PAK4: variants seen among roughly 807,000 people sequenced by gnomAD.
The protein encoded by PAK4 is p21 (RAC1) activated kinase 4.
In PAK4, 49 loss-of-function variants were observed where a neutral mutation model predicts 53.5. The observed-to-expected ratio is 0.92, with a 90% CI of 0.73 to 1.16. The LOEUF is 1.16. Among genes scored for constraint, PAK4 ranks in the 50% most tolerant of loss-of-function variants. The probability of loss-of-function intolerance (pLI) is 0.00; values close to 1 mark genes in which losing one functional copy is unlikely to be tolerated. For synonymous variants in PAK4, 376 were observed against 375.6 expected, an observed-to-expected ratio of 1.00 and a Z score of -0.01; for missense variants, 824 against 850.7, an observed-to-expected ratio of 0.97 and a Z score of 0.39.
chr19:39,164,963 G>T (rs1007043875), intron 1 of PAK4, among the ~76,000 whole-genome samples: 6 of 151,964 alleles, frequency 3.9e-5, no homozygotes, highest in Non-Finnish European at 7.4e-5. Flanking sequence ...TGCTGCACAG[G>T]CCCATGGGAA....
At chr19:39,131,324 G>A (rs1322258003) in intron 1 of PAK4, among the ~76,000 whole-genome samples, 1 of 152,100 alleles carries the variant, frequency 6.6e-6, no homozygotes, top group Non-Finnish European at 1.5e-5. Flanking sequence ...TCTGGGCGCT[G>A]GGTCCCTACC....
In PAK4 at chr19:39,169,527, C is replaced by T. The variant is rs372025647; in HGVS notation, c.-22-5C>T. On this transcript the variant is annotated splice_polypyrimidine_tract_variant and splice_region_variant and intron_variant, in intron 1 of 8. Coordinates refer to ENST00000358301, the Ensembl canonical transcript of PAK4. ...TCACTCACCCACCGTGATTCCCTCC[C>T]GCAGGCCGCACCGAGTCCCCGGCAC... 1.5e-5 allele frequency: 24 copies of T among 1,603,988 alleles called. No homozygotes were observed. Among genetic ancestry groups the T allele is most frequent in the Middle Eastern group, 1.7e-4 (1 of 6,052 alleles).
At chr19:39,159,513 G>A (rs2074249316) in intron 1 of PAK4, among the ~76,000 whole-genome samples, 1 of 152,278 alleles carries the variant, frequency 6.6e-6, no homozygotes, top group South Asian at 2.1e-4. Context: ...AGCCTCCCAA[G>A]TAGCTGGGAC....
At chr19:39,143,118 C>T (rs1022499222) in intron 1 of PAK4, among the ~76,000 whole-genome samples, 9 of 152,038 alleles carry the variant, frequency 5.9e-5, no homozygotes, top group Non-Finnish European at 1.3e-4. Flanking sequence ...CCTTGTCACT[C>T]TCTGTCCCTT....
Position 39,176,727 on chromosome 19 carries a change from G to T in PAK4, c.1485+12G>T. On this transcript the variant is annotated intron_variant, in intron 7 of 8. Transcript: ENST00000358301. ...CCTACGGGCCAGAGGTGAGCCCCGG[G>T]GTGGCTTGGTTGTCCCGCCGTGGAC... The T allele has an allele frequency of 1.2e-6, 2 of 1,606,456 alleles. No individual in the cohort carries two copies. Among genetic ancestry groups the T allele is most frequent in the Non-Finnish European group, 1.7e-6 (2 of 1,179,476 alleles).
exon 2 of PAK4, chr19:39,169,532 G>A: frequency 6.2e-7 from 1 of 1,608,556 alleles, no homozygotes; most frequent in South Asian, 1.1e-5. Flanking sequence ...CCTCCCGCAG[G>A]CCGCACCGAG....
exon 2 of PAK4, chr19:39,169,559 T>G: frequency 6.2e-7 from 1 of 1,612,800 alleles, no homozygotes. Context: ...GCACCATGTT[T>G]GGGAAGAGGA....
intron 1 of PAK4, among the ~76,000 whole-genome samples, chr19:39,153,876 C>T (rs947409118): frequency 6.6e-6 from 1 of 152,170 alleles, no homozygotes; most frequent in African/African-American, 2.4e-5. Flanking sequence ...AGCCACCGTG[C>T]CCAGTCCAAC....
chr19:39,182,802 G>A (rs914330427), downstream of PAK4: 3 of 144,844 alleles, frequency 2.1e-5, no homozygotes, highest in Non-Finnish European at 4.5e-5. Flanking sequence ...CTGGGTGACA[G>A]AGTGAGATTC....
intron 2 of PAK4, among the ~76,000 whole-genome samples, chr19:39,170,413 C>T (rs1326861487): frequency 1.3e-5 from 2 of 151,998 alleles, no homozygotes; most frequent in Non-Finnish European, 2.9e-5. Flanking sequence ...GGGATTTGAA[C>T]CAATGTCTGT....
intron 1 of PAK4, among the ~76,000 whole-genome samples, chr19:39,139,653 T>C (rs1362165702): frequency 6.6e-6 from 1 of 152,146 alleles, no homozygotes; most frequent in East Asian, 1.9e-4. Flanking sequence ...TCAGTCTCTC[T>C]TTACACCCTC....
At chr19:39,128,866 C>T (rs1183287014) in intron 1 of PAK4, among the ~76,000 whole-genome samples, 1 of 152,202 alleles carries the variant, frequency 6.6e-6, no homozygotes, top group African/African-American at 2.4e-5. Context: ...TTGCAACTCC[C>T]TGGAGAGCTT....
At chr19:39,128,702 G>A (rs985026370) in intron 1 of PAK4, among the ~76,000 whole-genome samples, 1 of 152,188 alleles carries the variant, frequency 6.6e-6, no homozygotes, top group African/African-American at 2.4e-5. Context: ...TAGAGGCCAA[G>A]GGTCTCCTCC....
chr19:39,156,130 TCTCAGATTCCTC>T (rs2074175961), intron 1 of PAK4, among the ~76,000 whole-genome samples: 1 of 152,142 alleles, frequency 6.6e-6, no homozygotes, highest in South Asian at 2.1e-4. Context: ...TCAGGCTAAG[TCTCAGATTCCTC>T]CTCATGGGTG....
intron 1 of PAK4, among the ~76,000 whole-genome samples, chr19:39,158,190 A>AGTGT (rs2074222712): frequency 1.4e-5 from 2 of 145,450 alleles, no homozygotes; most frequent in African/African-American, 5.3e-5. Flanking sequence ...CATGTGTGTG[A>AGTGT]GCGTGCATGT....
chr19:39,174,130 TCA>T (rs1335495596), intron 4 of PAK4, 120 bp downstream of exon 5: 1 of 675,634 alleles, frequency 1.5e-6, no homozygotes, highest in Non-Finnish European at 2.5e-6. Context: ...CCTCCTCCCC[TCA>T]CTCTTCTCCC....
chr19:39,151,920 C>T (rs2074099479), intron 1 of PAK4, among the ~76,000 whole-genome samples: 1 of 152,190 alleles, frequency 6.6e-6, no homozygotes, highest in Non-Finnish European at 1.5e-5. Flanking sequence ...AGGCATGCGC[C>T]ACCACGCGCA....
At chr19:39,139,286 A>C (rs918051469) in intron 1 of PAK4, among the ~76,000 whole-genome samples, 2 of 152,148 alleles carry the variant, frequency 1.3e-5, no homozygotes, top group Non-Finnish European at 1.5e-5. Flanking sequence ...TCTTGGGATC[A>C]TGGTTGTTCA....
chr19:39,125,882 C>G (rs1174526247), exon 1 of PAK4: 1 of 152,854 alleles, frequency 6.5e-6, no homozygotes, highest in Non-Finnish European at 1.5e-5. Flanking sequence ...AGTTCCAGGT[C>G]GAGCAGTTAG....
Sources: gnomAD v4.1 joint callset for allele counts (sites outside exome capture counted in the v4.1 genomes callset) on GRCh38, gnomAD v4.1.1 for gene constraint, MANE v1.5 for transcripts, NCBI Gene and HGNC (gene_info 2026-07-23, HGNC 2026-07-21) for gene names.